The following PAQR7 variants were observed in gnomAD, a reference collection of about 807,000 sequenced individuals.
PAQR7 encodes membrane progestin receptor alpha.
Under a neutral mutation model 24.6 loss-of-function variants are expected in PAQR7, and 14 were observed. The ratio of observed to expected loss-of-function variants is 0.57; its 90% CI spans 0.38 to 0.89. The LOEUF (loss-of-function observed/expected upper bound fraction) is 0.89. Ranked by LOEUF, PAQR7 falls within the 40% of genes least tolerant of loss-of-function variation. The pLI is 0.00. For missense variants in PAQR7, 351 were observed against 444.0 expected (o/e 0.79, Z 1.88); for synonymous variants, 189 against 198.8 (o/e 0.95, Z 0.42).
At position 25,862,722 on chromosome 1, in the gene PAQR7, C is replaced by T; in HGVS notation, c.*77G>A. 7.0e-7 allele frequency: 1 copy of T among 1,437,546 alleles called. No homozygotes were observed. The highest frequency in any genetic ancestry group is 9.5e-7 in the Non-Finnish European group (1 of 1,050,264). 89.0% of individuals were successfully genotyped at this position (1,437,546 alleles called of 1,614,324 possible). ...GCCAGACACAAACAACTTTACCAGG[C>T]CTTGTTCCCACCTGGAGCCAAACCC... On this transcript the variant is annotated 3_prime_UTR_variant, in exon 3 of 3. Coordinates refer to ENST00000675840, the MANE Select transcript of PAQR7 (RefSeq NM_178422.6).
Position 25,863,572 on chromosome 1 carries a change from C to T in PAQR7, c.268G>A (p.Ala90Thr), listed in dbSNP as rs772938279. 5 of 1,614,194 alleles carry T rather than the reference C, an allele frequency of 3.1e-6. No homozygotes were observed. The East Asian group carries it at 6.7e-5, about 22-fold the overall frequency. ...AAGTCCACGGTCTCCACAAAGAGGG[C>T]CAGCCGCAGCAGCAGTACCAGGGCC... ...LAALVLLLRL[A>T]LFVETVDFWG... The change falls in exon 3 of 3, where the codon GCC becomes ACC. Residue 90 changes from alanine to threonine, a missense_variant. Physicochemically the swap from Ala to Thr is moderately conservative, Grantham distance 58 (BLOSUM62 0). Coordinates refer to ENST00000675840, the MANE Select transcript of PAQR7 (RefSeq NM_178422.6). This position sits in a 1 kb window ranked among gnomAD's most constrained non-coding sequence, Gnocchi z 6.1.
chr1:25,864,971 A>G (rs1447245097), intron 2 of PAQR7, among the ~76,000 whole-genome samples: 1 of 151,610 alleles, frequency 6.6e-6, no homozygotes. Flanking sequence ...CCTGGCTAAC[A>G]CGGTGAAACC....
chr1:25,863,099 G>A lies in PAQR7; in HGVS notation c.741C>T (p.Phe247=). Residue 247 remains phenylalanine (F), a synonymous_variant, in exon 3 of 3, where the codon TTC becomes TTT. Transcript: ENST00000675840. This position sits in a 1 kb window ranked among gnomAD's most constrained non-coding sequence, Gnocchi z 6.1. The part of the protein sequence containing the change: ...ALLYHKCQVV[F]FLLAAAFFST... ...AGAAGAAGGCAGCAGCCAGCAGAAA[G>A]AAGACCACCTGGCACTTGTGGTAGA... 1 of 1,614,040 alleles carries A rather than the reference G, an allele frequency of 6.2e-7. No individual in the cohort carries two copies. The highest frequency in any genetic ancestry group is 1.3e-5 in the African/African-American group (1 of 75,062).
At chr1:25,867,883 A>AG (rs1256315622) in intron 2 of PAQR7, among the ~76,000 whole-genome samples, 1 of 152,234 alleles carries the variant, frequency 6.6e-6, no homozygotes, top group Middle Eastern at 3.2e-3. Flanking sequence ...ACTGCTGCAC[A>AG]GGGGCTGCTA....
Position 25,863,866 on chromosome 1 carries a change from G to C in PAQR7, c.-22-5C>G. 1.9e-6 allele frequency: 3 copies of C among 1,585,774 alleles called. No homozygotes were observed. Among genetic ancestry groups the C allele is most frequent in the South Asian group, 1.1e-5 (1 of 88,348 alleles). ...GCTGTGGGCCTGGGCAGGGAGCTGG[G>C]AGAGAGACCAGAGCAAAGTCAGGGG... On this transcript the variant is annotated splice_region_variant and splice_polypyrimidine_tract_variant and intron_variant, in intron 2 of 2. Transcript: ENST00000675840. This position sits in a 1 kb window ranked among gnomAD's most constrained non-coding sequence, Gnocchi z 6.1.
chr1:25,863,808 A>G lies in PAQR7; in HGVS notation c.32T>C (p.Leu11Pro), dbSNP rs746923183. MAMAQKLSHL[L>P]PSLRQVIQEP... ...CTGGATGACCTGCCGCAGACTCGGC[A>G]GGAGGTGGCTGAGTTTCTGGGCCAT... Residue 11 changes from leucine (L) to proline (P), a missense_variant, in exon 3 of 3, where the codon CTG becomes CCG. By Grantham distance (98) the Leu-to-Pro change is moderately conservative (BLOSUM62 -3). Transcript: ENST00000675840. This position sits in a 1 kb window ranked among gnomAD's most constrained non-coding sequence, Gnocchi z 6.1. The G allele has an allele frequency of 4.3e-6, 7 of 1,613,138 alleles. No individual in the cohort carries two copies. Among genetic ancestry groups the G allele is most frequent in the Non-Finnish European group, 5.9e-6 (7 of 1,179,688 alleles).
At chr1:25,871,112 T>G (rs1489486188) in intron 1 of PAQR7, 1 of 152,242 alleles carries the variant, frequency 6.6e-6, no homozygotes. Flanking sequence ...GGAAGTTCAC[T>G]GTGTGCTTAA....
intron 2 of PAQR7, 28 bp downstream of exon 2, chr1:25,870,581 C>T (rs2048595940): frequency 1.3e-5 from 2 of 152,212 alleles, no homozygotes; most frequent in Admixed American, 1.3e-4. Flanking sequence ...ACGGGGAAAC[C>T]GAGGGCCAGC....
At chr1:25,865,270 C>T (rs2048547595) in intron 2 of PAQR7, among the ~76,000 whole-genome samples, 1 of 152,140 alleles carries the variant, frequency 6.6e-6, no homozygotes, top group African/African-American at 2.4e-5. Flanking sequence ...TGACGATTTT[C>T]ACATTTCTCA....
rs140459827 is a variant in PAQR7, at chr1:25,865,918, G to A, written c.-22-2057C>T. On this transcript the variant is annotated intron_variant, in intron 2 of 2. Transcript: ENST00000675840. Reference sequence around the variant, plus strand: ...GGAGAATTACTTGAACCAAGGAGGCGTAGGTTGCGGTGAGCCGAGATCGCA... The same window carrying A: ...GGAGAATTACTTGAACCAAGGAGGCATAGGTTGCGGTGAGCCGAGATCGCA... Among the ~76,000 whole-genome samples the A allele has an allele frequency of 1.6e-3, 244 of 151,588 alleles. 2 individuals carry two copies. Among genetic ancestry groups the A allele is most frequent in the East Asian group, 0.011 (56 of 5,160 alleles).
intron 1 of PAQR7, among the ~76,000 whole-genome samples, chr1:25,871,631 C>T (rs2048606577): frequency 6.6e-6 from 1 of 152,110 alleles, no homozygotes; most frequent in South Asian, 2.1e-4. Flanking sequence ...GGCTTGCAAG[C>T]CCCAGCCTGC....
In PAQR7 at chr1:25,862,562, CTCTT is replaced by C; in HGVS notation, c.*233_*236del. 1 of 534,406 alleles carries C rather than the reference CTCTT, an allele frequency of 1.9e-6. No individual in the cohort carries two copies. Among genetic ancestry groups the C allele is most frequent in the Non-Finnish European group, 3.3e-6 (1 of 301,020 alleles). The allele number at this position is 534,406 out of a possible 1,614,324, so 33.1% of individuals were successfully genotyped here. On this transcript the variant is annotated 3_prime_UTR_variant, in exon 3 of 3. Transcript: ENST00000675840. ...AAGCTGGAGTGGCCCACACCGTTAA[CTCTT>C]TCCCTCTCCCTGGGCAAGGAGCTGG...
Position 25,862,975 on chromosome 1 carries a change from G to C in PAQR7, c.865C>G (p.Gln289Glu), listed in dbSNP as rs941491664. The change falls in exon 3 of 3, where the codon CAG (glutamine) becomes GAG (glutamate). Residue 289 changes from glutamine to glutamate, a missense_variant. Physicochemically the swap from Gln to Glu is conservative, Grantham distance 29 (BLOSUM62 2). Coordinates refer to ENST00000675840, the MANE Select transcript of PAQR7 (RefSeq NM_178422.6). ...HIFLVLCTLA[Q>E]LEAVALDYEA... ...TAGTCCAGTGCCACAGCCTCCAGCT[G>C]AGCCAGCGTGCACAGCACCAAGAAG... 1 of 1,614,152 alleles carries C rather than the reference G, an allele frequency of 6.2e-7. No individual in the cohort carries two copies. The highest frequency in any genetic ancestry group is 1.1e-5 in the South Asian group (1 of 91,086).
At chr1:25,868,692 A>G (rs1425461871) in intron 2 of PAQR7, among the ~76,000 whole-genome samples, 3 of 137,052 alleles carry the variant, frequency 2.2e-5, no homozygotes, top group Admixed American at 8.0e-5. Context: ...CCTGGGTGAC[A>G]GAGTGAGACC....
At chr1:25,865,982 G>A (rs865926089) in intron 2 of PAQR7, among the ~76,000 whole-genome samples, 2 of 139,574 alleles carry the variant, frequency 1.4e-5, no homozygotes, top group Admixed American at 7.0e-5. Context: ...GGGAAACTCC[G>A]TCTCAAAAAA....
chr1:25,863,950 C>T lies in PAQR7; in HGVS notation c.-22-89G>A. The T allele has an allele frequency of 1.1e-6, 1 of 935,838 alleles. No individual in the cohort carries two copies. Among genetic ancestry groups the T allele is most frequent in the Non-Finnish European group, 1.6e-6 (1 of 635,222 alleles). The allele number at this position is 935,838 out of a possible 1,614,324, so 58.0% of individuals were successfully genotyped here. A position where few individuals can be genotyped will look rare whatever the true frequency, so the allele number is the denominator to read the frequency against. ...GGGGCTCTGATGCCCAAATCCTACT[C>T]CCTCCTCTCCGACAGCCTTATCCTT... On this transcript the variant is annotated intron_variant, in intron 2 of 2. Coordinates refer to ENST00000675840, the MANE Select transcript of PAQR7 (RefSeq NM_178422.6). This position sits in a 1 kb window ranked among gnomAD's most constrained non-coding sequence, Gnocchi z 6.1.
intron 2 of PAQR7, among the ~76,000 whole-genome samples, chr1:25,868,799 G>A (rs1445282177): frequency 2.0e-5 from 3 of 148,448 alleles, no homozygotes; most frequent in Non-Finnish European, 4.5e-5. Context: ...AAGCTTATGT[G>A]ACCACGGATT....
chr1:25,868,661 GA>G (rs2048577601), intron 2 of PAQR7, among the ~76,000 whole-genome samples: 1 of 137,122 alleles, frequency 7.3e-6, no homozygotes, highest in African/African-American at 2.6e-5. Flanking sequence ...CGGGAGCCAA[GA>G]TTGTGCCACT....
In PAQR7 at chr1:25,875,111, C is replaced by T. The variant is rs1404176070; in HGVS notation, c.-109+377G>A. 6.6e-6 allele frequency among the ~76,000 whole-genome samples: 1 copy of T among 152,164 alleles called. No homozygotes were observed. Among genetic ancestry groups the T allele is most frequent in the South Asian group, 2.1e-4 (1 of 4,832 alleles). ...GACGCCCCTACCCACTCCCTGCCCT[C>T]CATCCTTCATTTTCTCCAAGCAGCC... On this transcript the variant is annotated intron_variant, in intron 1 of 2. Coordinates refer to ENST00000675840, the MANE Select transcript of PAQR7 (RefSeq NM_178422.6). The surrounding 1 kb of genome is among the most constrained non-coding windows in gnomAD (Gnocchi z 5.4).
Sources: allele counts gnomAD v4.1 joint callset (sites outside exome capture counted in the v4.1 genomes callset), GRCh38; gene constraint gnomAD v4.1.1; non-coding constraint Gnocchi (gnomAD v3.1); transcripts MANE v1.5; gene names NCBI Gene and HGNC (gene_info 2026-07-23, HGNC 2026-07-21).